Variants in EXD3 observed in about 807,000 individuals in gnomAD.
EXD3 encodes exonuclease 3'-5' domain containing 3.
In EXD3, 92 loss-of-function variants were observed where a neutral mutation model predicts 98.0. That is an observed-to-expected ratio of 0.94 (90% confidence interval 0.79 to 1.12). The LOEUF (loss-of-function observed/expected upper bound fraction) is 1.12, where lower values mean the gene tolerates loss of function less well. Ranked by LOEUF, EXD3 falls within the 50% of genes most tolerant of loss-of-function variation. EXD3 has a pLI of 0.00. For missense variants in EXD3, 1,222 were observed against 1,191.6 expected (o/e 1.03, Z -0.38); for synonymous variants, 569 against 526.0 (o/e 1.08, Z -1.12).
At position 137,337,939 on chromosome 9, in the gene EXD3, C is replaced by G. The variant is rs377177973; in HGVS notation, c.1998+10132G>C. On this transcript the variant is annotated intron_variant, in intron 17 of 21. Coordinates refer to ENST00000340951, the MANE Select transcript of EXD3 (RefSeq NM_017820.5). The stretch of plus-strand genomic sequence containing the variant: ...AGTAGCTGGGACTACAGGCGCCCAC[C>G]ACCATGCCCAGCTAATTTTTTGAAT... 2.1e-4 allele frequency among the ~76,000 whole-genome samples: 32 copies of G among 152,134 alleles called. No individual in the cohort carries two copies. The East Asian group carries it at 3.5e-3, about 17-fold the overall frequency.
chr9:137,325,926 C>T (rs1158535327), intron 17 of EXD3, among the ~76,000 whole-genome samples: 1 of 151,730 alleles, frequency 6.6e-6, no homozygotes, highest in Non-Finnish European at 1.5e-5. Context: ...CCCATCTCTG[C>T]AATAAATAAA....
chr9:137,307,550 C>T, intron 21 of EXD3, 58 bp downstream of exon 21: 3 of 1,594,600 alleles, frequency 1.9e-6, no homozygotes, highest in Non-Finnish European at 2.6e-6. Context: ...TGGGGGAAGC[C>T]TGGCACCAGG....
chr9:137,391,011 C>T (rs1371725488), intron 2 of EXD3, among the ~76,000 whole-genome samples: 1 of 152,242 alleles, frequency 6.6e-6, no homozygotes, highest in Admixed American at 6.5e-5. Context: ...ATCTGGTGTC[C>T]ACACCTCTGG....
chr9:137,323,724 C>T lies in EXD3; in HGVS notation c.2184+1G>A, dbSNP rs1832221049. On this transcript the variant is annotated splice_donor_variant, in intron 19 of 21. Coordinates refer to ENST00000340951, the MANE Select transcript of EXD3 (RefSeq NM_017820.5). LOFTEE classifies it high-confidence loss of function. ...GGTAGGACGGGGTGCGCAGGACCCA[C>T]CTGGCAGCGGCTGAAGATGTCTGCG... 6 of 1,611,850 alleles carry T rather than the reference C, an allele frequency of 3.7e-6. No individual in the cohort carries two copies. In the East Asian group the frequency reaches 1.1e-4, roughly 30 times the overall value.
At position 137,355,860 on chromosome 9, in the gene EXD3, C is replaced by T. The variant is rs570712052; in HGVS notation, c.757+408G>A. Among the ~76,000 whole-genome samples the T allele has an allele frequency of 2.6e-5, 4 of 152,274 alleles. No individual in the cohort carries two copies. In the South Asian group the frequency reaches 8.3e-4, roughly 32 times the overall value. ...CATCTTCCCGGCCCTTGCAGGGGGT[C>T]CTGGGAGCAAAGGGGACCTGGCTTC... On this transcript the variant is annotated intron_variant, in intron 8 of 21. Coordinates refer to ENST00000340951, the MANE Select transcript of EXD3 (RefSeq NM_017820.5).
chr9:137,356,174 G>A lies in EXD3; in HGVS notation c.757+94C>T. 3.1e-6 allele frequency: 3 copies of A among 957,184 alleles called. No individual in the cohort carries two copies. In the South Asian group the frequency reaches 4.5e-5, roughly 14 times the overall value. The allele number at this position is 957,184 out of a possible 1,614,324, so 59.3% of individuals were successfully genotyped here. ...GGAAGGTTGGTCTTGGTTGGCACCT[G>A]AACAACGGGCAGCCCCAGTCACAGA... On this transcript the variant is annotated intron_variant, in intron 8 of 21. Coordinates refer to ENST00000340951, the MANE Select transcript of EXD3 (RefSeq NM_017820.5).
intron 11 of EXD3, 49 bp from the exon 12 acceptor site, chr9:137,352,250 C>A: frequency 6.2e-7 from 1 of 1,608,888 alleles, no homozygotes; most frequent in South Asian, 1.1e-5. Context: ...GTCCCCCACC[C>A]ACTCTGACCT....
intron 2 of EXD3, among the ~76,000 whole-genome samples, chr9:137,383,582 C>T (rs58298832): frequency 0.011 from 1,600 of 152,338 alleles, 33 homozygotes; most frequent in African/African-American, 0.036. Context: ...TTCCCTGTGG[C>T]CCGTGGCCGC....
intron 17 of EXD3, among the ~76,000 whole-genome samples, chr9:137,329,982 C>G (rs1832909221): frequency 7.4e-6 from 1 of 134,630 alleles, no homozygotes; most frequent in Non-Finnish European, 1.5e-5. Flanking sequence ...CTACACGGGA[C>G]TACACAGGAC....
intron 14 of EXD3, among the ~76,000 whole-genome samples, chr9:137,350,836 C>T (rs1245534388): frequency 6.6e-6 from 1 of 152,090 alleles, no homozygotes; most frequent in Non-Finnish European, 1.5e-5. Flanking sequence ...GGGATGCCTG[C>T]ACCAGGAGGC....
At chr9:137,406,823 C>T (rs1250161041) in intron 1 of EXD3, among the ~76,000 whole-genome samples, 1 of 152,168 alleles carries the variant, frequency 6.6e-6, no homozygotes, top group Middle Eastern at 3.4e-3. Context: ...CACCCCAGGC[C>T]GCTCCTCAGC....
chr9:137,375,137 T>C (rs1230007544), intron 3 of EXD3, among the ~76,000 whole-genome samples: 1 of 152,190 alleles, frequency 6.6e-6, no homozygotes, highest in Non-Finnish European at 1.5e-5. Context: ...GCCTCCCGTG[T>C]AGCTGGGACT....
At chr9:137,402,544 A>G (rs542401428) in intron 1 of EXD3, among the ~76,000 whole-genome samples, 2 of 152,282 alleles carry the variant, frequency 1.3e-5, no homozygotes, top group South Asian at 2.1e-4. Context: ...CCTGGACATT[A>G]TTGTTCATAA....
At chr9:137,394,978 G>A (rs925424566) in intron 2 of EXD3, among the ~76,000 whole-genome samples, 38 of 152,110 alleles carry the variant, frequency 2.5e-4, no homozygotes, top group Admixed American at 2.5e-3. Context: ...GAGGGGACCA[G>A]AGCTCCCACC....
chr9:137,416,390 C>A (rs558315466), intron 1 of EXD3, among the ~76,000 whole-genome samples: 1 of 152,206 alleles, frequency 6.6e-6, no homozygotes, highest in African/African-American at 2.4e-5. Context: ...AGGCCGGGCA[C>A]CCCCAGGTCC....
chr9:137,313,941 C>T (rs1028748641), intron 19 of EXD3, among the ~76,000 whole-genome samples: 4 of 152,186 alleles, frequency 2.6e-5, no homozygotes, highest in African/African-American at 4.8e-5. Context: ...GGACTGTGTG[C>T]GGAGATCCTC....
chr9:137,373,421 C>T lies in EXD3; in HGVS notation c.294+5G>A. On this transcript the variant is annotated splice_donor_5th_base_variant and intron_variant, in intron 4 of 21. Coordinates refer to ENST00000340951, the MANE Select transcript of EXD3 (RefSeq NM_017820.5). ...AGGTGACTGTCACAGAACCCATGGG[C>T]TCACCTGGGCCAGGCTCGGGCATGG... The T allele has an allele frequency of 6.2e-7, 1 of 1,605,070 alleles. No homozygotes were observed. The highest frequency in any genetic ancestry group is 8.5e-7 in the Non-Finnish European group (1 of 1,179,136).
At chr9:137,412,083 C>T in intron 1 of EXD3, among the ~76,000 whole-genome samples, 1 of 152,212 alleles carries the variant, frequency 6.6e-6, no homozygotes, top group East Asian at 1.9e-4. Flanking sequence ...CTGCCCTCTT[C>T]TGAGAGCGCC....
In EXD3 at chr9:137,395,422, C is replaced by G; in HGVS notation, c.-47-18G>C. 1.2e-6 allele frequency: 2 copies of G among 1,609,396 alleles called. No homozygotes were observed. Among genetic ancestry groups the G allele is most frequent in the Non-Finnish European group, 1.7e-6 (2 of 1,177,386 alleles). ...ACGAGGATCTGCAGAAACAGACAATCAGGTGAATGCAGAGCCCACTGCAAC... is the reference window on the plus strand; with the variant it reads ...ACGAGGATCTGCAGAAACAGACAATGAGGTGAATGCAGAGCCCACTGCAAC... On this transcript the variant is annotated intron_variant, in intron 1 of 21. Transcript: ENST00000340951. This position sits in a 1 kb window ranked among gnomAD's most constrained non-coding sequence, Gnocchi z 6.5.
Sources: gnomAD v4.1 joint callset for allele counts (sites outside exome capture counted in the v4.1 genomes callset) on GRCh38, gnomAD v4.1.1 for gene constraint, Gnocchi (gnomAD v3.1) non-coding constraint, MANE v1.5 for transcripts, NCBI Gene and HGNC (gene_info 2026-07-23, HGNC 2026-07-21) for gene names.